Variants in CRACD observed in about 807,000 individuals in gnomAD.
CRACD encodes the protein capping protein-inhibiting regulator of actin dynamics.
Under a neutral mutation model 106.8 loss-of-function variants are expected in CRACD, and 56 were observed. The ratio of observed to expected loss-of-function variants is 0.52; its 90% CI spans 0.42 to 0.66. The LOEUF (loss-of-function observed/expected upper bound fraction) is 0.66. Ranked by LOEUF, CRACD falls within the 30% of genes least tolerant of loss-of-function variation. The pLI is 0.00. For synonymous variants in CRACD, 754 were observed against 670.8 expected (o/e 1.12, Z -1.92); for missense variants, 1,730 against 1,623.2 (o/e 1.07, Z -1.13).
intron 1 of CRACD, among the ~76,000 whole-genome samples, chr4:56,114,775 T>G (rs1183214673): frequency 6.6e-6 from 1 of 152,168 alleles, no homozygotes; most frequent in Non-Finnish European, 1.5e-5. Context: ...GCAACACTTG[T>G]TGCATTTACA....
chr4:56,323,517 A>G lies in CRACD; in HGVS notation c.3328A>G (p.Arg1110Gly). Residue 1110 changes from arginine (R) to glycine (G), a missense_variant, in exon 9 of 11, where the codon AGA becomes GGA. This residue lies in a region of CRACD where 1,620 missense variants were observed against 1,481.6 expected (regional missense o/e 1.09). Transcript: ENST00000682029. Reference sequence around the variant, plus strand: ...GGAGCAGCAGGCGACGCGGGAGGAGAGAAAGCAAGCCAGAGAGGCCAAACA... The same window carrying G: ...GGAGCAGCAGGCGACGCGGGAGGAGGGAAAGCAAGCCAGAGAGGCCAAACA... ...FREQQATREE[R>G]KQAREAKQAE... 3 of 1,605,632 alleles carry G rather than the reference A, an allele frequency of 1.9e-6. No individual in the cohort carries two copies. Among genetic ancestry groups the G allele is most frequent in the Middle Eastern group, 1.7e-4 (1 of 5,936 alleles).
chr4:56,200,690 T>A (rs1737840632), intron 2 of CRACD, among the ~76,000 whole-genome samples: 1 of 152,238 alleles, frequency 6.6e-6, no homozygotes, highest in African/African-American at 2.4e-5. Context: ...TAGTATTTTT[T>A]AATAGACTTT....
rs181891027 is a variant in CRACD at position 56,328,877 on chromosome 4, G to T, written c.*1073G>T. The stretch of plus-strand genomic sequence containing the variant: ...TTATTACAAGAAGCAACAGGTTATT[G>T]ACATTACATGTTTGAAAATTCCCTT... On this transcript the variant is annotated 3_prime_UTR_variant, in exon 11 of 11. Transcript: ENST00000682029. 6.6e-6 allele frequency among the ~76,000 whole-genome samples: 1 copy of T among 152,296 alleles called. No homozygotes were observed. The highest frequency in any genetic ancestry group is 1.9e-4 in the East Asian group (1 of 5,190).
chr4:56,292,593 C>T (rs546586908), intron 3 of CRACD, among the ~76,000 whole-genome samples: 50 of 151,956 alleles, frequency 3.3e-4, no homozygotes, highest in African/African-American at 1.2e-3. Context: ...GGCACAGTCT[C>T]GGCTCACTGC....
At chr4:56,250,541 C>A (rs1740991565) in intron 2 of CRACD, among the ~76,000 whole-genome samples, 1 of 152,200 alleles carries the variant, frequency 6.6e-6, no homozygotes, top group South Asian at 2.1e-4. Context: ...ACCTCCAGAG[C>A]TCAAATGCCT....
intron 3 of CRACD, among the ~76,000 whole-genome samples, chr4:56,280,171 A>T (rs1742949721): frequency 6.6e-6 from 1 of 151,100 alleles, no homozygotes; most frequent in South Asian, 2.1e-4. Context: ...GAGGGATAGC[A>T]TTAGGACATA....
At chr4:56,064,373 T>TA (rs1732387735) in intron 1 of CRACD, among the ~76,000 whole-genome samples, 1 of 152,228 alleles carries the variant, frequency 6.6e-6, no homozygotes, top group Admixed American at 6.5e-5. Flanking sequence ...AGGATTAATG[T>TA]AAAAAGCAAG....
rs529231230 is a variant in CRACD, at chr4:56,103,371, G to A, written c.-336+54072G>A. ...AATCTCAGCACTTTGGGATGCCATT[G>A]CAGGAGGATCACTTGAACCCAGTGG... On this transcript the variant is annotated intron_variant, in intron 1 of 10. Coordinates refer to ENST00000682029, the MANE Select transcript of CRACD (RefSeq NM_001393381.1). 2.0e-5 allele frequency among the ~76,000 whole-genome samples: 3 copies of A among 152,330 alleles called. No homozygotes were observed. The East Asian group carries it at 5.8e-4, about 29-fold the overall frequency.
intron 2 of CRACD, among the ~76,000 whole-genome samples, chr4:56,220,548 A>G (rs1738975443): frequency 6.6e-6 from 1 of 152,012 alleles, no homozygotes; most frequent in Admixed American, 6.6e-5. Flanking sequence ...GATTTCAAGG[A>G]CCATCTGGAA....
At chr4:56,096,110 C>T (rs963427625) in intron 1 of CRACD, among the ~76,000 whole-genome samples, 1 of 151,832 alleles carries the variant, frequency 6.6e-6, no homozygotes, top group Non-Finnish European at 1.5e-5. Flanking sequence ...CAGTTTTGGA[C>T]ATAGTAGGTA....
intron 2 of CRACD, among the ~76,000 whole-genome samples, chr4:56,214,368 G>A (rs1281757812): frequency 1.3e-5 from 2 of 152,082 alleles, no homozygotes; most frequent in Admixed American, 6.6e-5. Flanking sequence ...GCCAAGGTGG[G>A]CAGATCATGA....
At chr4:56,087,458 C>T (rs1206013735) in intron 1 of CRACD, among the ~76,000 whole-genome samples, 1 of 152,316 alleles carries the variant, frequency 6.6e-6, no homozygotes, top group South Asian at 2.1e-4. Flanking sequence ...ATCTTCCTCT[C>T]GCTTCTGTCT....
intron 2 of CRACD, among the ~76,000 whole-genome samples, chr4:56,255,753 C>A (rs749244181): frequency 6.6e-6 from 1 of 152,164 alleles, no homozygotes; most frequent in Non-Finnish European, 1.5e-5. Context: ...TTGCATCTGA[C>A]CTCTCCTTTT....
intron 2 of CRACD, among the ~76,000 whole-genome samples, chr4:56,187,002 G>C (rs963321751): frequency 6.6e-6 from 1 of 151,790 alleles, no homozygotes; most frequent in African/African-American, 2.4e-5. Context: ...TTAGAGGGTT[G>C]AGCCTGCAGT....
intron 1 of CRACD, among the ~76,000 whole-genome samples, chr4:56,111,433 G>T (rs1734118871): frequency 6.6e-6 from 1 of 152,156 alleles, no homozygotes; most frequent in Admixed American, 6.5e-5. Context: ...TTTAAACTGT[G>T]TGTTTATACG....
chr4:56,306,763 T>G (rs1744739157), intron 4 of CRACD, among the ~76,000 whole-genome samples: 1 of 152,130 alleles, frequency 6.6e-6, no homozygotes, highest in Admixed American at 6.5e-5. Flanking sequence ...CCCCTCCCTT[T>G]TCCCTGTCCT....
At chr4:56,207,023 T>G (rs895151260) in intron 2 of CRACD, among the ~76,000 whole-genome samples, 6 of 152,216 alleles carry the variant, frequency 3.9e-5, no homozygotes, top group Non-Finnish European at 7.3e-5. Flanking sequence ...ACCACGAGTT[T>G]GGAGTATGCT....
intron 2 of CRACD, among the ~76,000 whole-genome samples, chr4:56,198,409 C>T (rs1737724005): frequency 6.6e-6 from 1 of 152,172 alleles, no homozygotes; most frequent in Non-Finnish European, 1.5e-5. Context: ...CATTCTTACC[C>T]TTGTATAATA....
rs1208370172 is a variant in CRACD at position 56,293,934 on chromosome 4, GGTGTTC to G, written c.-16-4279_-16-4274del. 1.0e-3 allele frequency among the ~76,000 whole-genome samples: 5 copies of G among 4,814 alleles called. No individual in the cohort carries two copies. The Non-Finnish European group carries it at 0.013, about 12-fold the overall frequency. 3.2% of individuals were successfully genotyped at this position (4,814 alleles called of 152,430 possible). ...TTATCTACAAAAATTCTATGCTTCA[GGTGTTC>G]AGGTGTTCAGGTGTGGTGGCTTATG... On this transcript the variant is annotated intron_variant, in intron 3 of 10. Transcript: ENST00000682029.
Sources: allele counts gnomAD v4.1 joint callset (sites outside exome capture counted in the v4.1 genomes callset), GRCh38; gene constraint gnomAD v4.1.1; regional missense constraint gnomAD v4.1.1; transcripts MANE v1.5; gene names NCBI Gene and HGNC (gene_info 2026-07-23, HGNC 2026-07-21).